Variants in PRR5 observed in about 807,000 individuals in gnomAD.
PRR5 encodes the protein proline rich 5.
In PRR5, 25 loss-of-function variants were observed where a neutral mutation model predicts 30.6. That is an observed-to-expected ratio of 0.82 (90% CI 0.60 to 1.14). PRR5 has a LOEUF of 1.14. Among genes scored for constraint, PRR5 ranks in the 50% most tolerant of loss-of-function variants. The pLI, the probability that PRR5 is intolerant of heterozygous loss-of-function variation, is 0.00. For missense variants in PRR5, 600 were observed against 547.1 expected (o/e 1.10, Z -0.96); for synonymous variants, 286 against 247.1 (o/e 1.16, Z -1.48).
intron 2 of PRR5, among the ~76,000 whole-genome samples, chr22:44,721,590 C>T (rs1345532077): frequency 6.6e-6 from 1 of 152,188 alleles, no homozygotes; most frequent in African/African-American, 2.4e-5. Context: ...AGCCTCCGGT[C>T]CTTTTGTTAC....
rs1930338238 is a variant in PRR5 at position 44,724,144 on chromosome 22, A to G, written c.216-1100A>G. Among the ~76,000 whole-genome samples, 3 of 152,192 alleles carry G rather than the reference A, an allele frequency of 2.0e-5. No individual in the cohort carries two copies. In the South Asian group the frequency reaches 6.2e-4, roughly 32 times the overall value. ...GCCTATAATTCAGGACTGATTAGAA[A>G]GTTTTCCTAGGCCGGGTGTGGTGGC... On this transcript the variant is annotated intron_variant, in intron 2 of 7. Transcript: ENST00000336985.
At chr22:44,726,883 C>A (rs1920971384) in intron 4 of PRR5, among the ~76,000 whole-genome samples, 1 of 152,156 alleles carries the variant, frequency 6.6e-6, no homozygotes, top group South Asian at 2.1e-4. Context: ...GGAAAAGCCC[C>A]CTGCTTCCCC....
intron 2 of PRR5, among the ~76,000 whole-genome samples, chr22:44,724,834 G>A (rs2147128309): frequency 6.6e-6 from 1 of 152,366 alleles, no homozygotes; most frequent in East Asian, 1.9e-4. Context: ...CACTTGGGAA[G>A]AAGCTCTGCA....
intron 1 of PRR5, among the ~76,000 whole-genome samples, chr22:44,694,031 G>A (rs1345670499): frequency 2.6e-5 from 4 of 152,040 alleles, no homozygotes; most frequent in Non-Finnish European, 4.4e-5. Context: ...CCATCTGTCC[G>A]AATACTGTCA....
chr22:44,697,523 G>C (rs1925865647), upstream of PRR5, among the ~76,000 whole-genome samples: 1 of 152,264 alleles, frequency 6.6e-6, no homozygotes. Context: ...GGACTGACCA[G>C]GCTGCTCCTC....
intron 1 of PRR5, among the ~76,000 whole-genome samples, chr22:44,693,458 C>CAAAAAAAAAAAAAA (rs1216543034): frequency 1.2e-4 from 18 of 147,752 alleles, no homozygotes; most frequent in African/African-American, 3.1e-4. Flanking sequence ...GACCCTGTCT[C>CAAAAAAAAAAAAAA]AAAAAAAAAG....
intron 4 of PRR5, chr22:44,730,026 G>C (rs931598090): frequency 3.0e-6 from 3 of 985,422 alleles, no homozygotes; most frequent in Non-Finnish European, 3.6e-6. Context: ...TGGGCTACCC[G>C]GGTGGGCAGA....
At chr22:44,704,533 C>T (rs1926880686) in intron 1 of PRR5, among the ~76,000 whole-genome samples, 1 of 152,036 alleles carries the variant, frequency 6.6e-6, no homozygotes, top group African/African-American at 2.4e-5. Flanking sequence ...GCCAGCCCCT[C>T]CCCGCGGCAC....
chr22:44,698,682 C>T (rs1011125417), upstream of PRR5, among the ~76,000 whole-genome samples: 9 of 152,234 alleles, frequency 5.9e-5, no homozygotes, highest in African/African-American at 2.2e-4. Context: ...GGCTCAGGCC[C>T]AGCAAGACTG....
At chr22:44,711,492 A>G (rs1928230896) in intron 1 of PRR5, among the ~76,000 whole-genome samples, 2 of 151,822 alleles carry the variant, frequency 1.3e-5, no homozygotes, top group African/African-American at 4.8e-5. Flanking sequence ...GTGTAGGGTC[A>G]CCTCTGGCAG....
chr22:44,726,842 G>A (rs1920967764), intron 4 of PRR5, among the ~76,000 whole-genome samples: 1 of 152,178 alleles, frequency 6.6e-6, no homozygotes, highest in Admixed American at 6.5e-5. Flanking sequence ...CCCCGAACTT[G>A]CTGGAGCCCA....
At chr22:44,693,972 C>T (rs1006446800) in intron 1 of PRR5, among the ~76,000 whole-genome samples, 12 of 151,888 alleles carry the variant, frequency 7.9e-5, no homozygotes, top group Non-Finnish European at 1.5e-4. Flanking sequence ...GATTTAGGGC[C>T]CACTTACTCC....
At chr22:44,731,912 G>T (rs1040918488) in intron 5 of PRR5, 91 bp downstream of exon 5, 16 of 1,320,088 alleles carry the variant, frequency 1.2e-5, no homozygotes, top group Non-Finnish European at 1.5e-5. Context: ...CAGGCTTGGG[G>T]ACACACACAC....
chr22:44,690,712 G>GTTA (rs961585247), intron 1 of PRR5, among the ~76,000 whole-genome samples: 27 of 152,146 alleles, frequency 1.8e-4, no homozygotes, highest in African/African-American at 5.8e-4. Context: ...ACTACCCACT[G>GTTA]TTATTATTAT....
chr22:44,722,235 G>A (rs996603090), intron 2 of PRR5, among the ~76,000 whole-genome samples: 2 of 152,232 alleles, frequency 1.3e-5, no homozygotes, highest in Non-Finnish European at 2.9e-5. Flanking sequence ...CCAGGCTCCA[G>A]GGCTGGAACC....
intron 1 of PRR5, among the ~76,000 whole-genome samples, chr22:44,693,444 G>A (rs1925458266): frequency 6.9e-6 from 1 of 145,150 alleles, no homozygotes; most frequent in African/African-American, 2.7e-5. Context: ...GGGTGACAGA[G>A]CAAGACCCTG....
chr22:44,733,661 A>G (rs960510373), intron 6 of PRR5, among the ~76,000 whole-genome samples: 2 of 152,104 alleles, frequency 1.3e-5, no homozygotes, highest in African/African-American at 4.8e-5. Flanking sequence ...CCCTGGCAGG[A>G]TAGGTGAGGA....
chr22:44,728,420 G>C (rs987578025), intron 4 of PRR5, among the ~76,000 whole-genome samples: 1 of 152,240 alleles, frequency 6.6e-6, no homozygotes, highest in Non-Finnish European at 1.5e-5. Flanking sequence ...GGAGAACCTG[G>C]CCCTGCCCTT....
intron 2 of PRR5, among the ~76,000 whole-genome samples, chr22:44,723,809 G>A (rs1930293000): frequency 1.3e-5 from 2 of 152,224 alleles, no homozygotes; most frequent in Non-Finnish European, 1.5e-5. Context: ...TCATTGATGT[G>A]CTGCACTTCC....
Sources: allele counts gnomAD v4.1 joint callset (sites outside exome capture counted in the v4.1 genomes callset), GRCh38; gene constraint gnomAD v4.1.1; transcripts MANE v1.5; gene names NCBI Gene and HGNC (gene_info 2026-07-23, HGNC 2026-07-21).